The following SOX6 variants were observed in gnomAD, a reference collection of about 807,000 sequenced individuals.
The protein encoded by SOX6 is SRY-box transcription factor 6, also known as transcription factor SOX-6.
SOX6 carries 11 observed loss-of-function variants against 97.8 expected under a neutral mutation model. The ratio of observed to expected loss-of-function variants is 0.11; its 90% CI spans 0.07 to 0.19. The LOEUF is 0.19. Among genes scored for constraint, SOX6 ranks in the 10% least tolerant of loss-of-function variants. The pLI is 1.00. For missense variants in SOX6, 810 were observed against 1,039.5 expected, an observed-to-expected ratio of 0.78 and a Z score of 3.04; for synonymous variants, 360 against 371.4, an observed-to-expected ratio of 0.97 and a Z score of 0.35.
chr11:16,254,800 G>C (rs531736429), intron 3 of SOX6, among the ~76,000 whole-genome samples: 1 of 151,528 alleles, frequency 6.6e-6, no homozygotes, highest in African/African-American at 2.4e-5. Flanking sequence ...AAATGTCAGG[G>C]GTCTAAATAC....
chr11:16,702,337 A>G (rs1249881734), intron 3 of SOX6, among the ~76,000 whole-genome samples: 3 of 152,210 alleles, frequency 2.0e-5, no homozygotes, highest in African/African-American at 7.2e-5. Flanking sequence ...CAGGTATCTT[A>G]TATCAACCTA....
chr11:16,734,335 TTA>T (rs1848374933), intron 2 of SOX6, among the ~76,000 whole-genome samples: 2 of 152,314 alleles, frequency 1.3e-5, no homozygotes, highest in Non-Finnish European at 2.9e-5. Flanking sequence ...TATTATGCCT[TTA>T]AAATCAGCTT....
intron 7 of SOX6, among the ~76,000 whole-genome samples, chr11:16,103,431 T>C (rs1257149607): frequency 6.6e-6 from 1 of 151,756 alleles, no homozygotes; most frequent in East Asian, 1.9e-4. Context: ...GAATGTAAAC[T>C]AGTACAAACA....
intron 12 of SOX6, among the ~76,000 whole-genome samples, chr11:16,035,720 T>C (rs564998688): frequency 1.3e-5 from 2 of 152,346 alleles, no homozygotes; most frequent in South Asian, 4.1e-4. Context: ...GGAAATGTAA[T>C]GTTCTATTTA....
chr11:16,545,494 G>C (rs980193223), intron 4 of SOX6, among the ~76,000 whole-genome samples: 1 of 152,150 alleles, frequency 6.6e-6, no homozygotes, highest in Admixed American at 6.5e-5. Flanking sequence ...CGAAGCCACA[G>C]ATAACATCAT....
chr11:16,494,442 T>A (rs541600343), intron 4 of SOX6, among the ~76,000 whole-genome samples: 1 of 152,118 alleles, frequency 6.6e-6, no homozygotes, highest in Non-Finnish European at 1.5e-5. Context: ...GATACATATA[T>A]CCTCAATATG....
intron 12 of SOX6, among the ~76,000 whole-genome samples, chr11:16,032,994 C>T (rs1335121154): frequency 6.6e-6 from 1 of 152,138 alleles, no homozygotes; most frequent in Non-Finnish European, 1.5e-5. Flanking sequence ...ACTTTTCATT[C>T]ACTCATTTGG....
At chr11:16,299,253 C>T (rs1385077874) in intron 3 of SOX6, among the ~76,000 whole-genome samples, 2 of 152,124 alleles carry the variant, frequency 1.3e-5, no homozygotes, top group African/African-American at 2.4e-5. Context: ...CTAGCTTCTG[C>T]ACTTCGTGTC....
chr11:16,349,571 G>C (rs1000939200), intron 1 of SOX6, among the ~76,000 whole-genome samples: 1 of 151,682 alleles, frequency 6.6e-6, no homozygotes, highest in South Asian at 2.1e-4. Context: ...AGCCAAGAGC[G>C]TGCCATTGCA....
intron 15 of SOX6, among the ~76,000 whole-genome samples, chr11:15,974,260 A>C (rs1408564770): frequency 6.6e-6 from 1 of 151,700 alleles, no homozygotes; most frequent in Non-Finnish European, 1.5e-5. Flanking sequence ...TACTCACCCT[A>C]CACATTATCA....
intron 1 of SOX6, among the ~76,000 whole-genome samples, chr11:16,419,921 C>T (rs1294732154): frequency 6.6e-6 from 1 of 152,122 alleles, no homozygotes; most frequent in Non-Finnish European, 1.5e-5. Context: ...TTAAGAACAT[C>T]CCTACATGAC....
rs191044759 is a variant in SOX6, at chr11:16,143,146, G to A, written c.778-31223C>T. ...AAGGGAAACCCATCAGACTAACAGC[G>A]GATCTCTCAGCAGAAACTCTACAAG... On this transcript the variant is annotated intron_variant, in intron 6 of 15. Transcript: ENST00000683767. Among the ~76,000 whole-genome samples, 20 of 152,274 alleles carry A rather than the reference G, an allele frequency of 1.3e-4. No individual in the cohort carries two copies. In the East Asian group the frequency reaches 2.7e-3, roughly 21 times the overall value.
At chr11:16,201,182 A>T (rs1296692359) in intron 4 of SOX6, among the ~76,000 whole-genome samples, 1 of 152,188 alleles carries the variant, frequency 6.6e-6, no homozygotes, top group African/African-American at 2.4e-5. Context: ...ACATCATCCA[A>T]CCTACGACAT....
At chr11:16,224,627 T>A (rs1852631042) in intron 4 of SOX6, among the ~76,000 whole-genome samples, 1 of 151,996 alleles carries the variant, frequency 6.6e-6, no homozygotes, top group Admixed American at 6.6e-5. Context: ...CTTTGAAATG[T>A]CTACATTCAT....
chr11:16,260,324 G>T (rs1052194705), intron 3 of SOX6, among the ~76,000 whole-genome samples: 2 of 152,104 alleles, frequency 1.3e-5, no homozygotes, highest in Non-Finnish European at 2.9e-5. Context: ...TTAAAATAAA[G>T]AAGTACTATT....
intron 4 of SOX6, among the ~76,000 whole-genome samples, chr11:16,487,650 C>T (rs760727374): frequency 6.6e-5 from 10 of 152,066 alleles, no homozygotes; most frequent in Non-Finnish European, 1.2e-4. Context: ...TTTTAATCAG[C>T]GTATTTTGTA....
At chr11:16,022,369 TCCTTCCTC>T (rs1016251888) in intron 12 of SOX6, among the ~76,000 whole-genome samples, 2 of 146,296 alleles carry the variant, frequency 1.4e-5, no homozygotes, top group African/African-American at 5.1e-5. Context: ...CTTCCTTCCT[TCCTTCCTC>T]CCTCCCTCCC....
chr11:16,358,977 C>T (rs1017500854), upstream of SOX6, among the ~76,000 whole-genome samples: 20 of 152,090 alleles, frequency 1.3e-4, no homozygotes, highest in Admixed American at 1.1e-3. Context: ...GACAGACATA[C>T]AGAGGCATAT....
intron 9 of SOX6, among the ~76,000 whole-genome samples, chr11:16,087,907 C>T (rs1167173526): frequency 6.6e-6 from 1 of 151,956 alleles, no homozygotes; most frequent in Non-Finnish European, 1.5e-5. Context: ...TAATTCTTTG[C>T]TGTGGGTGGC....
Sources: gnomAD v4.1 joint callset for allele counts (sites outside exome capture counted in the v4.1 genomes callset) on GRCh38, gnomAD v4.1.1 for gene constraint, MANE v1.5 for transcripts, NCBI Gene and HGNC (gene_info 2026-07-23, HGNC 2026-07-21) for gene names.